The following FGF14 variants were observed in gnomAD, a reference collection of about 807,000 sequenced individuals.
The protein encoded by FGF14 is fibroblast growth factor 14.
In FGF14, 5 loss-of-function variants were observed where a neutral mutation model predicts 25.5. The ratio of observed to expected loss-of-function variants is 0.20; its 90% CI spans 0.10 to 0.41. The LOEUF is 0.41. Among genes scored for constraint, FGF14 ranks in the 10% least tolerant of loss-of-function variants. The pLI, the probability that FGF14 is intolerant of heterozygous loss-of-function variation, is 1.00. For synonymous variants in FGF14, 138 were observed against 118.3 expected (o/e 1.17, Z -1.08); for missense variants, 222 against 320.1 (o/e 0.69, Z 2.34).
At chr13:102,013,151 T>TCA (rs370306343) in intron 1 of FGF14, among the ~76,000 whole-genome samples, 45 of 151,744 alleles carry the variant, frequency 3.0e-4, no homozygotes, top group East Asian at 9.7e-4. Flanking sequence ...CAGAACCCTG[T>TCA]CACACACACA....
At chr13:101,891,545 A>G (rs545321680) in intron 1 of FGF14, among the ~76,000 whole-genome samples, 25 of 152,180 alleles carry the variant, frequency 1.6e-4, no homozygotes, top group Non-Finnish European at 3.2e-4. Context: ...TCATTTAGCC[A>G]TTATTCACTG....
At chr13:102,204,479 C>A (rs2049814362) in intron 1 of FGF14, among the ~76,000 whole-genome samples, 1 of 152,164 alleles carries the variant, frequency 6.6e-6, no homozygotes, top group South Asian at 2.1e-4. Context: ...GGGCATGGCC[C>A]ATATATATGG....
chr13:102,227,842 A>G (rs561678383), intron 1 of FGF14, among the ~76,000 whole-genome samples: 1 of 152,190 alleles, frequency 6.6e-6, no homozygotes, highest in East Asian at 1.9e-4. Context: ...GGGTACTTTC[A>G]ATCAAGCATA....
At chr13:102,059,608 T>C (rs1347121968) in intron 1 of FGF14, among the ~76,000 whole-genome samples, 7 of 152,126 alleles carry the variant, frequency 4.6e-5, no homozygotes, top group Admixed American at 2.0e-4. Context: ...CCCAGCACTT[T>C]GGGAGGCCGA....
chr13:101,769,891 T>G (rs1236755669), intron 3 of FGF14, among the ~76,000 whole-genome samples: 1 of 152,132 alleles, frequency 6.6e-6, no homozygotes, highest in Non-Finnish European at 1.5e-5. Context: ...ATACATGTCA[T>G]CATATATTTG....
At chr13:102,281,306 C>T (rs1652893004) in intron 1 of FGF14, among the ~76,000 whole-genome samples, 1 of 152,186 alleles carries the variant, frequency 6.6e-6, no homozygotes, top group African/African-American at 2.4e-5. Flanking sequence ...TCCTTGAATG[C>T]TTTTCTGGAT....
chr13:101,912,008 T>G (rs1257039990), intron 1 of FGF14, among the ~76,000 whole-genome samples: 2 of 151,718 alleles, frequency 1.3e-5, no homozygotes, highest in Non-Finnish European at 1.5e-5. Context: ...AACAGTGTTT[T>G]TTTTTTTTTT....
At chr13:102,124,664 A>C (rs550052941) in intron 1 of FGF14, among the ~76,000 whole-genome samples, 1 of 152,100 alleles carries the variant, frequency 6.6e-6, no homozygotes, top group African/African-American at 2.4e-5. Context: ...TTATCTCCTC[A>C]TCCAGGAGCA....
intron 1 of FGF14, among the ~76,000 whole-genome samples, chr13:101,925,091 AGAAT>A (rs2034275896): frequency 6.6e-6 from 1 of 152,252 alleles, no homozygotes; most frequent in Admixed American, 6.5e-5. Context: ...GGGCAAAGAA[AGAAT>A]GAGAATGAGA....
intron 3 of FGF14, among the ~76,000 whole-genome samples, chr13:101,834,989 C>G (rs578176829): frequency 1.3e-5 from 2 of 152,072 alleles, no homozygotes; most frequent in South Asian, 2.1e-4. Flanking sequence ...CAGGGAGAAA[C>G]AGAGGTTAAC....
At chr13:102,306,841 T>C (rs1217207723) in intron 1 of FGF14, among the ~76,000 whole-genome samples, 3 of 152,128 alleles carry the variant, frequency 2.0e-5, no homozygotes, top group African/African-American at 7.2e-5. Flanking sequence ...ACATTCTAAC[T>C]TGTATGCACA....
intron 1 of FGF14, among the ~76,000 whole-genome samples, chr13:101,939,498 C>T (rs1005095545): frequency 1.3e-5 from 2 of 152,298 alleles, no homozygotes; most frequent in Admixed American, 1.3e-4. Flanking sequence ...AAGCCTAACT[C>T]CTACCTTAAG....
At chr13:102,074,986 T>C (rs1472539298) in intron 1 of FGF14, among the ~76,000 whole-genome samples, 2 of 152,166 alleles carry the variant, frequency 1.3e-5, no homozygotes, top group African/African-American at 4.8e-5. Flanking sequence ...CAGGGAAAAG[T>C]TGAAAGCTTT....
chr13:102,067,103 T>C (rs1370260554), intron 1 of FGF14, among the ~76,000 whole-genome samples: 2 of 152,114 alleles, frequency 1.3e-5, no homozygotes, highest in African/African-American at 2.4e-5. Flanking sequence ...AGTCACATTT[T>C]CCCCCACATC....
intron 1 of FGF14, among the ~76,000 whole-genome samples, chr13:102,353,176 G>C (rs914168621): frequency 6.6e-6 from 1 of 152,186 alleles, no homozygotes; most frequent in Non-Finnish European, 1.5e-5. Flanking sequence ...ATTAGACATA[G>C]TCACGAGAGC....
At chr13:101,864,887 T>C (rs1321406931) in intron 3 of FGF14, among the ~76,000 whole-genome samples, 1 of 152,044 alleles carries the variant, frequency 6.6e-6, no homozygotes, top group African/African-American at 2.4e-5. Flanking sequence ...GAAAAATCAA[T>C]CATACTAAAA....
chr13:101,925,646 G>A (rs2034311932), intron 1 of FGF14, among the ~76,000 whole-genome samples: 1 of 152,214 alleles, frequency 6.6e-6, no homozygotes, highest in African/African-American at 2.4e-5. Flanking sequence ...CCTGAGCCTA[G>A]TTTCTACTTT....
At chr13:101,843,186 A>G (rs1341523907) in intron 3 of FGF14, among the ~76,000 whole-genome samples, 2 of 152,074 alleles carry the variant, frequency 1.3e-5, no homozygotes, top group African/African-American at 2.4e-5. Flanking sequence ...AATTTTTTGA[A>G]GATTAATGTA....
At chr13:102,365,744 G>A (rs1048474127) in intron 1 of FGF14, among the ~76,000 whole-genome samples, 17 of 152,040 alleles carry the variant, frequency 1.1e-4, no homozygotes, top group Non-Finnish European at 2.1e-4. Flanking sequence ...ATATATGTGT[G>A]TGTGTGTGTA....
Sources: allele counts gnomAD v4.1 joint callset (sites outside exome capture counted in the v4.1 genomes callset), GRCh38; gene constraint gnomAD v4.1.1; transcripts MANE v1.5; gene names NCBI Gene and HGNC (gene_info 2026-07-23, HGNC 2026-07-21).